Variants in PACRG observed in about 807,000 individuals in gnomAD.
PACRG encodes the protein parkin coregulated gene protein.
Under a neutral mutation model 29.7 loss-of-function variants are expected in PACRG, and 29 were observed. The observed-to-expected ratio is 0.98, with a 90% CI of 0.73 to 1.33. The LOEUF (loss-of-function observed/expected upper bound fraction) is 1.33, where lower values mean the gene tolerates loss of function less well. Ranked by LOEUF, PACRG falls within the 40% of genes most tolerant of loss-of-function variation. PACRG has a pLI of 0.00. For synonymous variants in PACRG, 116 were observed against 118.7 expected (o/e 0.98, Z 0.15); for missense variants, 279 against 316.2 (o/e 0.88, Z 0.89).
intron 4 of PACRG, among the ~76,000 whole-genome samples, chr6:163,222,944 G>A (rs1236322095): frequency 6.6e-6 from 1 of 152,160 alleles, no homozygotes; most frequent in Non-Finnish European, 1.5e-5. Context: ...TAATGATTAT[G>A]TAGCTCAAAA....
intron 2 of PACRG, among the ~76,000 whole-genome samples, chr6:162,831,026 T>C (rs1445546875): frequency 6.6e-6 from 1 of 152,252 alleles, no homozygotes; most frequent in Non-Finnish European, 1.5e-5. Context: ...CTGCCTGCTA[T>C]TAAAACCCAC....
upstream of PACRG, chr6:162,727,577 G>T (rs540154030): frequency 5.0e-6 from 7 of 1,398,024 alleles, no homozygotes; most frequent in Non-Finnish European, 6.9e-6. Flanking sequence ...GGCACCGGGG[G>T]TCCTGGTCGG....
At chr6:163,305,267 T>C (rs1785155947) in intron 4 of PACRG, among the ~76,000 whole-genome samples, 3 of 152,372 alleles carry the variant, frequency 2.0e-5, no homozygotes, top group South Asian at 4.1e-4. Context: ...CCTTCAACTT[T>C]GATTCCTAAA....
At chr6:163,163,305 T>C (rs1160438998) in intron 4 of PACRG, among the ~76,000 whole-genome samples, 2 of 152,206 alleles carry the variant, frequency 1.3e-5, no homozygotes, top group Non-Finnish European at 2.9e-5. Flanking sequence ...AGAGTCTCAC[T>C]CTGTCACTCA....
intron 4 of PACRG, among the ~76,000 whole-genome samples, chr6:163,178,947 C>T (rs781553437): frequency 1.1e-4 from 16 of 152,126 alleles, no homozygotes; most frequent in Admixed American, 2.6e-4. Flanking sequence ...AATTCCTATT[C>T]GGGTTGATAG....
At chr6:162,938,151 T>G (rs1226517292) in intron 2 of PACRG, among the ~76,000 whole-genome samples, 2 of 152,194 alleles carry the variant, frequency 1.3e-5, no homozygotes, top group African/African-American at 4.8e-5. Context: ...CACACAATGT[T>G]TGGTTTTCCA....
intron 4 of PACRG, among the ~76,000 whole-genome samples, chr6:163,299,961 G>T (rs1263387001): frequency 6.6e-6 from 1 of 152,222 alleles, no homozygotes; most frequent in Non-Finnish European, 1.5e-5. Context: ...CCAGGGTCTT[G>T]CTGATAGAAG....
At chr6:163,084,331 CA>C (rs1007344993) in intron 3 of PACRG, among the ~76,000 whole-genome samples, 154 of 149,294 alleles carry the variant, frequency 1.0e-3, no homozygotes, top group Middle Eastern at 3.4e-3. Flanking sequence ...AGAACTGTTT[CA>C]AAAAAAAAAT....
chr6:163,151,661 G>GT (rs2128338634), intron 4 of PACRG, among the ~76,000 whole-genome samples: 1 of 152,286 alleles, frequency 6.6e-6, no homozygotes, highest in South Asian at 2.1e-4. Flanking sequence ...ATCAGCATCA[G>GT]TAAGCATGAA....
intron 2 of PACRG, among the ~76,000 whole-genome samples, chr6:162,929,658 CAT>C (rs1797703958): frequency 6.6e-6 from 1 of 151,820 alleles, no homozygotes; most frequent in Non-Finnish European, 1.5e-5. Flanking sequence ...TACCTAGACT[CAT>C]GTCCTGGAGC....
At chr6:162,939,067 T>C (rs1196247131) in intron 2 of PACRG, among the ~76,000 whole-genome samples, 2 of 152,120 alleles carry the variant, frequency 1.3e-5, no homozygotes, top group African/African-American at 2.4e-5. Flanking sequence ...AATGGGCACA[T>C]AGACCAATGG....
At chr6:162,817,927 T>C (rs189495628) in intron 2 of PACRG, among the ~76,000 whole-genome samples, 2 of 152,316 alleles carry the variant, frequency 1.3e-5, no homozygotes, top group East Asian at 3.9e-4. Flanking sequence ...AAAATTTCTA[T>C]ATACTTATCA....
At chr6:162,916,694 T>C (rs962337326) in intron 2 of PACRG, among the ~76,000 whole-genome samples, 3 of 152,212 alleles carry the variant, frequency 2.0e-5, no homozygotes, top group Non-Finnish European at 4.4e-5. Context: ...AAATCTGTGC[T>C]GTCTCTGAGT....
intron 4 of PACRG, among the ~76,000 whole-genome samples, chr6:163,197,090 T>C (rs1270486696): frequency 1.3e-5 from 2 of 152,142 alleles, no homozygotes; most frequent in African/African-American, 4.8e-5. Flanking sequence ...TTACTAAACT[T>C]TTAAAAACTT....
At chr6:163,131,999 T>A (rs902106306) in intron 4 of PACRG, among the ~76,000 whole-genome samples, 1 of 152,252 alleles carries the variant, frequency 6.6e-6, no homozygotes, top group East Asian at 1.9e-4. Context: ...TAGCCATTTG[T>A]GTGCAGCTTT....
intron 4 of PACRG, among the ~76,000 whole-genome samples, chr6:163,167,250 C>T (rs1404361190): frequency 6.6e-6 from 1 of 152,158 alleles, no homozygotes; most frequent in Admixed American, 6.5e-5. Flanking sequence ...TTTATGAATA[C>T]TTATAGAATT....
intron 2 of PACRG, among the ~76,000 whole-genome samples, chr6:162,833,023 C>T (rs185557570): frequency 3.0e-4 from 45 of 152,042 alleles, no homozygotes; most frequent in African/African-American, 1.0e-3. Flanking sequence ...GATGCCATCT[C>T]GATATTTTTA....
intron 2 of PACRG, among the ~76,000 whole-genome samples, chr6:162,877,275 G>A (rs1793440990): frequency 6.6e-6 from 1 of 152,172 alleles, no homozygotes; most frequent in Non-Finnish European, 1.5e-5. Context: ...ATGAGTTCAT[G>A]TCCTTTGCAG....
intron 1 of PACRG, among the ~76,000 whole-genome samples, chr6:162,729,864 C>T (rs916263246): frequency 7.9e-5 from 12 of 151,846 alleles, no homozygotes; most frequent in African/African-American, 2.9e-4. Context: ...AATAAGTATG[C>T]CTACATGACT....
Sources: allele counts gnomAD v4.1 joint callset (sites outside exome capture counted in the v4.1 genomes callset), GRCh38; gene constraint gnomAD v4.1.1; transcripts MANE v1.5; gene names NCBI Gene and HGNC (gene_info 2026-07-23, HGNC 2026-07-21).